Variants in AXDND1 observed in about 807,000 individuals in gnomAD.
AXDND1 encodes the protein axonemal dynein light chain domain-containing protein 1.
Under a neutral mutation model 137.5 loss-of-function variants are expected in AXDND1, and 110 were observed. The ratio of observed to expected loss-of-function variants is 0.80; its 90% CI spans 0.69 to 0.94. AXDND1 has a LOEUF of 0.94. AXDND1 is among the 40% of genes least tolerant of loss of function. The pLI is 0.00. For synonymous variants in AXDND1, 414 were observed against 399.7 expected (o/e 1.04, Z -0.43); for missense variants, 1,191 against 1,169.8 (o/e 1.02, Z -0.26).
intron 12 of AXDND1, among the ~76,000 whole-genome samples, chr1:179,418,438 C>A (rs1384888761): frequency 1.3e-5 from 2 of 152,246 alleles, no homozygotes; most frequent in Admixed American, 6.5e-5. Flanking sequence ...TTTTCCCCAC[C>A]TTTTCCCCCT....
In AXDND1 at chr1:179,424,395, C is replaced by T. The variant is rs1163195208; in HGVS notation, c.1231-5123C>T. ...TCAGACCTTCCTATAACTGGACATT[C>T]ATATCTAAGTTTTTGAAAGTTTTCT... On this transcript the variant is annotated intron_variant, in intron 12 of 25. Transcript: ENST00000367618. Among the ~76,000 whole-genome samples the T allele has an allele frequency of 3.4e-5, 5 of 148,376 alleles. No individual in the cohort carries two copies. In the South Asian group the frequency reaches 1.1e-3, roughly 32 times the overall value.
chr1:179,506,767 C>T, intron 20 of AXDND1: 2 of 706,570 alleles, frequency 2.8e-6, no homozygotes, highest in Middle Eastern at 7.2e-4. Context: ...GCCATTTGGT[C>T]TCATCTCTGC....
At chr1:179,526,301 CTATCA>C (rs1670524744) in intron 22 of AXDND1, among the ~76,000 whole-genome samples, 1 of 152,096 alleles carries the variant, frequency 6.6e-6, no homozygotes, top group East Asian at 1.9e-4. Context: ...AATTGAGTGC[CTATCA>C]TGAGTGATAT....
chr1:179,491,755 T>C lies in AXDND1; in HGVS notation c.2291+18T>C. 1 of 1,514,570 alleles carries C rather than the reference T, an allele frequency of 6.6e-7. No individual in the cohort carries two copies. Among genetic ancestry groups the C allele is most frequent in the Non-Finnish European group, 8.8e-7 (1 of 1,132,430 alleles). 93.8% of individuals were successfully genotyped at this position (1,514,570 alleles called of 1,614,324 possible). A position where few individuals can be genotyped will look rare whatever the true frequency, so the allele number is the denominator to read the frequency against. On this transcript the variant is annotated intron_variant, in intron 19 of 25. Coordinates refer to ENST00000367618, the MANE Select transcript of AXDND1 (RefSeq NM_144696.6). ...TTGAGCAGGTGAAGCGGTTATTTTA[T>C]TGTTGCCCTTTTGAAGAATTGAATG... is the stretch of plus-strand genomic sequence containing the variant.
rs192350576 is a variant in AXDND1 at position 179,447,626 on chromosome 1, C to A, written c.1798+2422C>A. ...GGAGGTGTCATGCCCTTGCTTGAAG[C>A]GGGGATGACAACTCGAAGATCTGGT... On this transcript the variant is annotated intron_variant, in intron 16 of 25. Transcript: ENST00000367618. 1.7e-5 allele frequency: 21 copies of A among 1,251,492 alleles called. No individual in the cohort carries two copies. In the East Asian group the frequency reaches 4.0e-4, roughly 24 times the overall value. The allele number at this position is 1,251,492 out of a possible 1,614,324, so 77.5% of individuals were successfully genotyped here.
chr1:179,530,883 C>T (rs148044420), intron 23 of AXDND1, among the ~76,000 whole-genome samples: 3 of 152,268 alleles, frequency 2.0e-5, no homozygotes, highest in African/African-American at 4.8e-5. Flanking sequence ...GTCCTTCCTA[C>T]CCATTGCACA....
chr1:179,436,208 G>A (rs1288515575), intron 15 of AXDND1, among the ~76,000 whole-genome samples: 1 of 152,210 alleles, frequency 6.6e-6, no homozygotes, highest in Non-Finnish European at 1.5e-5. Context: ...TGCTGGTGAG[G>A]CTGTGGAGAA....
intron 21 of AXDND1, among the ~76,000 whole-genome samples, chr1:179,516,951 T>C (rs1017802118): frequency 6.6e-6 from 1 of 152,174 alleles, no homozygotes; most frequent in African/African-American, 2.4e-5. Flanking sequence ...GAGGTGGCAC[T>C]TTCCAAAGAG....
rs77794295 is a variant in AXDND1 at position 179,504,513 on chromosome 1, T to C, written c.2389-4783T>C. ...CTGGAATGAGGATTTCAAGATGTTT[T>C]GAGGTGTATCTCCCTATAAAAGTTA... On this transcript the variant is annotated intron_variant, in intron 20 of 25. Transcript: ENST00000367618. 5.0e-3 allele frequency among the ~76,000 whole-genome samples: 769 copies of C among 152,328 alleles called. 8 individuals are homozygous for C. Among genetic ancestry groups the C allele is most frequent in the African/African-American group, 0.018 (742 of 41,568 alleles).
chr1:179,522,306 A>C (rs1381516028), intron 21 of AXDND1, among the ~76,000 whole-genome samples: 3 of 152,116 alleles, frequency 2.0e-5, no homozygotes, highest in Non-Finnish European at 4.4e-5. Flanking sequence ...AAATTGCTGA[A>C]GTCCTATTTG....
intron 25 of AXDND1, among the ~76,000 whole-genome samples, chr1:179,535,589 T>C (rs1671472056): frequency 6.6e-6 from 1 of 152,242 alleles, no homozygotes. Context: ...TTCCATGGTG[T>C]ATATGTGCCA....
chr1:179,408,961 T>C (rs1653410961), intron 11 of AXDND1, among the ~76,000 whole-genome samples: 2 of 111,364 alleles, frequency 1.8e-5, no homozygotes, highest in Admixed American at 2.2e-4. Context: ...GTTTTCTTTT[T>C]TTCTTTCTTT....
chr1:179,494,828 A>C (rs904465862), intron 20 of AXDND1, among the ~76,000 whole-genome samples: 1 of 152,154 alleles, frequency 6.6e-6, no homozygotes, highest in Non-Finnish European at 1.5e-5. Flanking sequence ...TAGAAGTTTT[A>C]GAGTTTTAGG....
intron 10 of AXDND1, among the ~76,000 whole-genome samples, chr1:179,394,660 G>A (rs1410613057): frequency 1.4e-5 from 2 of 142,424 alleles, no homozygotes; most frequent in African/African-American, 2.6e-5. Flanking sequence ...CATAATTATG[G>A]ATGTTAACAT....
At chr1:179,538,946 A>G (rs1211554667) in intron 25 of AXDND1, among the ~76,000 whole-genome samples, 1 of 151,798 alleles carries the variant, frequency 6.6e-6, no homozygotes, top group Non-Finnish European at 1.5e-5. Flanking sequence ...CCATTATGTA[A>G]TGGCCTTCTT....
chr1:179,484,379 C>A (rs74448995), intron 18 of AXDND1, among the ~76,000 whole-genome samples: 15,623 of 152,250 alleles, frequency 0.1, 1,092 homozygotes, highest in Middle Eastern at 0.17. Context: ...GGGGAACTAT[C>A]AGACCTGAAC....
At chr1:179,430,644 A>G in intron 14 of AXDND1, 38 bp downstream of exon 14, 3 of 1,580,138 alleles carry the variant, frequency 1.9e-6, no homozygotes, top group Non-Finnish European at 2.6e-6. Flanking sequence ...GATTATACTT[A>G]TGTCTGATAA....
intron 18 of AXDND1, among the ~76,000 whole-genome samples, chr1:179,488,588 C>T (rs919794177): frequency 2.2e-5 from 3 of 135,100 alleles, no homozygotes; most frequent in Admixed American, 7.3e-5. Flanking sequence ...CTTTCTCTCT[C>T]TCTTTCTTTC....
chr1:179,393,231 C>G (rs943782878), intron 9 of AXDND1, among the ~76,000 whole-genome samples: 1 of 152,142 alleles, frequency 6.6e-6, no homozygotes, highest in Non-Finnish European at 1.5e-5. Flanking sequence ...GGTGTCCTTT[C>G]CCCACATTAT....
Sources: gnomAD v4.1 joint callset for allele counts (sites outside exome capture counted in the v4.1 genomes callset) on GRCh38, gnomAD v4.1.1 for gene constraint, MANE v1.5 for transcripts, NCBI Gene and HGNC (gene_info 2026-07-23, HGNC 2026-07-21) for gene names.